The following PARD3B variants were observed in gnomAD, a reference collection of about 807,000 sequenced individuals.
PARD3B encodes par-3 family cell polarity regulator beta, also known as partitioning defective 3 homolog B.
Under a neutral mutation model 130.2 loss-of-function variants are expected in PARD3B, and 103 were observed. The ratio of observed to expected loss-of-function variants is 0.79; its 90% CI spans 0.67 to 0.93. The LOEUF is 0.93. Ranked by LOEUF, PARD3B falls within the 40% of genes least tolerant of loss-of-function variation. The pLI is 0.00. For missense variants in PARD3B, 1,609 were observed against 1,499.2 expected (o/e 1.07, Z -1.21); for synonymous variants, 583 against 553.2 (o/e 1.05, Z -0.76).
chr2:204,672,089 A>G (rs958895856), intron 1 of PARD3B, among the ~76,000 whole-genome samples: 1 of 152,176 alleles, frequency 6.6e-6, no homozygotes, highest in Non-Finnish European at 1.5e-5. Context: ...TTAGTAGTGT[A>G]ATAATGGTAT....
At position 204,739,848 on chromosome 2, in the gene PARD3B, C is replaced by T. The variant is rs188921408; in HGVS notation, c.222+53566C>T. Among the ~76,000 whole-genome samples the T allele has an allele frequency of 4.3e-4, 65 of 152,028 alleles. 1 individual carries two copies. Among genetic ancestry groups the T allele is most frequent in the African/African-American group, 1.5e-3 (62 of 41,456 alleles). Reference sequence around the variant, plus strand: ...TTGGTTTTAATATTATTTAAGAGGGCAGGCATTTCCTTTTTAAGAATAAAG... The same window carrying T: ...TTGGTTTTAATATTATTTAAGAGGGTAGGCATTTCCTTTTTAAGAATAAAG... On this transcript the variant is annotated intron_variant, in intron 2 of 22. Transcript: ENST00000406610.
At chr2:205,509,651 G>A (rs2050515663) in intron 21 of PARD3B, among the ~76,000 whole-genome samples, 1 of 152,196 alleles carries the variant, frequency 6.6e-6, no homozygotes, top group Admixed American at 6.5e-5. Context: ...AGGGGCTAAT[G>A]GAATGTACTC....
In PARD3B at chr2:204,686,209, A is replaced by T; in HGVS notation, c.149A>T (p.His50Leu). 1 of 1,612,208 alleles carries T rather than the reference A, an allele frequency of 6.2e-7. No individual in the cohort carries two copies. Among genetic ancestry groups the T allele is most frequent in the Non-Finnish European group, 8.5e-7 (1 of 1,178,458 alleles). The change falls in exon 2 of 23, where the codon CAC (histidine) becomes CTC (leucine). Residue 50 changes from histidine to leucine, a missense_variant. Transcript: ENST00000406610. ...CCTGGTTACTGGGTGAAGATTCATC[A>T]CTTAGAATATACAGATGGAGGAATC... ...KGPGYWVKIH[H>L]LEYTDGGILD...
intron 16 of PARD3B, among the ~76,000 whole-genome samples, chr2:205,259,374 T>C (rs1422044592): frequency 1.3e-5 from 2 of 150,356 alleles, no homozygotes; most frequent in Admixed American, 6.9e-5. Context: ...GTTAGACTTA[T>C]AGCACATTGG....
chr2:205,502,145 A>G (rs1020532103), intron 21 of PARD3B, among the ~76,000 whole-genome samples: 1 of 152,180 alleles, frequency 6.6e-6, no homozygotes, highest in African/African-American at 2.4e-5. Context: ...GTTTTGTATT[A>G]AGGCAGGTTT....
At chr2:205,058,951 TTC>T (rs1265245303) in intron 4 of PARD3B, among the ~76,000 whole-genome samples, 3 of 117,994 alleles carry the variant, frequency 2.5e-5, no homozygotes, top group African/African-American at 1.0e-4. Flanking sequence ...AGTTCAATTT[TTC>T]TTTTTTTTTT....
chr2:205,166,338 T>C (rs2034815632), intron 11 of PARD3B, among the ~76,000 whole-genome samples: 1 of 151,856 alleles, frequency 6.6e-6, no homozygotes, highest in Non-Finnish European at 1.5e-5. Flanking sequence ...GGGTGAGGAG[T>C]AAGTAGACTT....
At chr2:204,591,384 G>A (rs1011956104) in intron 1 of PARD3B, among the ~76,000 whole-genome samples, 2 of 152,184 alleles carry the variant, frequency 1.3e-5, no homozygotes, top group African/African-American at 4.8e-5. Context: ...TGTCTTAAAG[G>A]TTTGAGAACA....
intron 6 of PARD3B, among the ~76,000 whole-genome samples, chr2:205,117,829 T>C (rs1334431473): frequency 6.6e-6 from 1 of 152,136 alleles, no homozygotes; most frequent in African/African-American, 2.4e-5. Flanking sequence ...AAATAAGAAA[T>C]AATGAAAATA....
intron 20 of PARD3B, among the ~76,000 whole-genome samples, chr2:205,462,840 G>A (rs2048496366): frequency 6.6e-6 from 1 of 152,094 alleles, no homozygotes; most frequent in Non-Finnish European, 1.5e-5. Flanking sequence ...AGAAGTTTGG[G>A]GCTGGTTTTG....
In PARD3B at chr2:204,547,450, G is replaced by C. The variant is rs16836332; in HGVS notation, c.120+1331G>C. Among the ~76,000 whole-genome samples, 644 of 152,276 alleles carry C rather than the reference G, an allele frequency of 4.2e-3. 8 individuals carry two copies. The highest frequency in any genetic ancestry group is 0.017 in the East Asian group (90 of 5,190). ...AAATTAAAGTGGTTTATAAAGCTGT[G>C]TGAAAATCAACTGCAATGTTATGTG... On this transcript the variant is annotated intron_variant, in intron 1 of 22. Coordinates refer to ENST00000406610, the MANE Select transcript of PARD3B (RefSeq NM_001302769.2).
At position 205,500,012 on chromosome 2, in the gene PARD3B, C is replaced by A. The variant is rs770002976; in HGVS notation, c.3161C>A (p.Ser1054Tyr). 2.5e-6 allele frequency: 4 copies of A among 1,613,650 alleles called. No individual in the cohort carries two copies. The highest frequency in any genetic ancestry group is 3.4e-6 in the Non-Finnish European group (4 of 1,179,772). Residue 1054 changes from serine to tyrosine, a missense_variant, in exon 21 of 23, where the codon TCT becomes TAT. Physicochemically the swap from Ser to Tyr is moderately radical, Grantham distance 144. Coordinates refer to ENST00000406610, the MANE Select transcript of PARD3B (RefSeq NM_001302769.2). The part of the protein sequence containing the change: ...YEDDEGRARP[S>Y]EYDLLWVPGR... ...GACGACGAAGGAAGAGCAAGGCCAT[C>A]TGAGTATGACCTACTCTGGGTAAGC...
chr2:204,746,743 G>A (rs9677532), intron 2 of PARD3B, among the ~76,000 whole-genome samples: 55,350 of 151,852 alleles, frequency 0.36, 12,916 homozygotes, highest in African/African-American at 0.67. Context: ...GATGACGAGC[G>A]TTTTTTCATG....
At position 205,591,811 on chromosome 2, in the gene PARD3B, C is replaced by T. The variant is rs77629799; in HGVS notation, c.3261-23645C>T. Among the ~76,000 whole-genome samples the T allele has an allele frequency of 4.0e-3, 604 of 152,208 alleles. 2 individuals carry two copies. The highest frequency in any genetic ancestry group is 7.9e-3 in the South Asian group (38 of 4,814). Reference sequence around the variant, plus strand: ...GGTCACTGAAGAAAAGGAAGCTGTCCGGTTTGGATAAAAATTCAATGTCCT... The same window carrying T: ...GGTCACTGAAGAAAAGGAAGCTGTCTGGTTTGGATAAAAATTCAATGTCCT... On this transcript the variant is annotated intron_variant, in intron 22 of 22. Transcript: ENST00000406610. The surrounding 1 kb of genome is among the most constrained non-coding windows in gnomAD (Gnocchi z 4.2).
At chr2:204,947,314 C>G (rs1689405213) in intron 2 of PARD3B, among the ~76,000 whole-genome samples, 1 of 152,138 alleles carries the variant, frequency 6.6e-6, no homozygotes, top group Non-Finnish European at 1.5e-5. Context: ...AGTCTAGTCT[C>G]ATTTTGTCAA....
At chr2:204,733,900 AGAATT>A in intron 2 of PARD3B, among the ~76,000 whole-genome samples, 1 of 152,200 alleles carries the variant, frequency 6.6e-6, no homozygotes, top group Non-Finnish European at 1.5e-5. Flanking sequence ...AAAGAATTGG[AGAATT>A]TTTTTGTTAT....
At chr2:205,194,161 A>T (rs1221333972) in intron 15 of PARD3B, among the ~76,000 whole-genome samples, 1 of 152,226 alleles carries the variant, frequency 6.6e-6, no homozygotes, top group African/African-American at 2.4e-5. Flanking sequence ...TTTTTTCTCA[A>T]GGCATATTAT....
chr2:205,175,554 C>T (rs961996866), intron 12 of PARD3B, among the ~76,000 whole-genome samples: 2 of 152,216 alleles, frequency 1.3e-5, no homozygotes, highest in Non-Finnish European at 2.9e-5. Flanking sequence ...AAATGCTATA[C>T]TCAGAAGAGC....
intron 2 of PARD3B, among the ~76,000 whole-genome samples, chr2:204,722,673 G>A (rs1389979554): frequency 6.6e-6 from 1 of 152,124 alleles, no homozygotes; most frequent in Non-Finnish European, 1.5e-5. Flanking sequence ...GAAATACTGG[G>A]TTTGGTCCTT....
Sources: gnomAD v4.1 joint callset for allele counts (sites outside exome capture counted in the v4.1 genomes callset) on GRCh38, gnomAD v4.1.1 for gene constraint, Gnocchi (gnomAD v3.1) non-coding constraint, MANE v1.5 for transcripts, NCBI Gene and HGNC (gene_info 2026-07-23, HGNC 2026-07-21) for gene names.